The following KRABD2 variants were observed in gnomAD, a reference collection of about 807,000 sequenced individuals.
KRABD2 encodes KRAB domain-containing protein 2.
chr17:8,373,483 T>G, the KRABD2 span: 9 of 191,060 alleles, frequency 4.7e-5, no homozygotes, highest in Non-Finnish European at 7.5e-5. Context: ...GTGCTCAATG[T>G]TGCCCAGGCT....
At chr17:8,370,301 CTCCATT>C in the KRABD2 span, 1 of 1,611,574 alleles carries the variant, frequency 6.2e-7, no homozygotes, top group South Asian at 1.1e-5. Context: ...TGTTACTTAT[CTCCATT>C]TCCATTTCAC....
At chr17:8,372,910 A>C in the KRABD2 span, among the ~76,000 whole-genome samples, 1 of 152,238 alleles carries the variant, frequency 6.6e-6, no homozygotes, top group Non-Finnish European at 1.5e-5. The surrounding 1 kb of genome is among the most constrained non-coding windows in gnomAD (Gnocchi z 4.1). Context: ...AAAATAAAAA[A>C]AAGAAAAAAA....
chr17:8,370,016 A>T, the KRABD2 span: 1 of 1,614,184 alleles, frequency 6.2e-7, no homozygotes, highest in Non-Finnish European at 8.5e-7. Context: ...TGAGATGTGT[A>T]TCATGAAGAA....
chr17:8,365,060 T>C, the KRABD2 span, among the ~76,000 whole-genome samples: 1 of 151,904 alleles, frequency 6.6e-6, no homozygotes, highest in African/African-American at 2.4e-5. Flanking sequence ...AAAAACATTA[T>C]GTGGACAAAA....
the KRABD2 span, chr17:8,365,700 T>C: frequency 1.3e-5 from 2 of 152,224 alleles, no homozygotes; most frequent in African/African-American, 4.8e-5. Flanking sequence ...ATCTCGCTGG[T>C]CTCTCAGGAC....
the KRABD2 span, chr17:8,369,088 T>C: frequency 6.4e-7 from 1 of 1,556,230 alleles, no homozygotes; most frequent in South Asian, 1.2e-5. Flanking sequence ...CTCAGATGAC[T>C]ATGCTCAGAG....
At chr17:8,367,662 CA>C in the KRABD2 span, among the ~76,000 whole-genome samples, 29,258 of 94,054 alleles carry the variant, frequency 0.31, 2,768 homozygotes, top group Non-Finnish European at 0.33. Context: ...GACCCTGTCT[CA>C]AAAAAAAAAA....
At chr17:8,368,141 C>T in the KRABD2 span, among the ~76,000 whole-genome samples, 1 of 151,794 alleles carries the variant, frequency 6.6e-6, no homozygotes, top group Non-Finnish European at 1.5e-5. Flanking sequence ...TCCCTAGTAC[C>T]TGTGAATGTC....
At chr17:8,369,191 A>T in the KRABD2 span, 1 of 1,614,138 alleles carries the variant, frequency 6.2e-7, no homozygotes, top group South Asian at 1.1e-5. Flanking sequence ...AAGCTTCAGG[A>T]GTGGGATCCA....
the KRABD2 span, among the ~76,000 whole-genome samples, chr17:8,362,309 G>T: frequency 6.6e-6 from 1 of 151,148 alleles, no homozygotes; most frequent in African/African-American, 2.4e-5. The surrounding 1 kb of genome is among the most constrained non-coding windows in gnomAD (Gnocchi z 4.2). Flanking sequence ...CAGCCTGGGC[G>T]ACAGAGGAAG....
At chr17:8,376,692 G>A in the KRABD2 span, 28 of 983,322 alleles carry the variant, frequency 2.8e-5, no homozygotes, top group Non-Finnish European at 3.3e-5. Context: ...AGAGGCCCCC[G>A]AGCAGCAACT....
chr17:8,366,827 T>A, the KRABD2 span, among the ~76,000 whole-genome samples: 1 of 152,196 alleles, frequency 6.6e-6, no homozygotes, highest in South Asian at 2.1e-4. Context: ...GTTCAAGGGA[T>A]CTTCCTACCT....
At chr17:8,370,268 A>T in the KRABD2 span, 1 of 1,613,108 alleles carries the variant, frequency 6.2e-7, no homozygotes, top group African/African-American at 1.3e-5. Flanking sequence ...ACTTTGTTAC[A>T]CTCATAAGAA....
At chr17:8,364,124 C>T in the KRABD2 span, among the ~76,000 whole-genome samples, 1 of 151,850 alleles carries the variant, frequency 6.6e-6, no homozygotes, top group Non-Finnish European at 1.5e-5. This position sits in a 1 kb window ranked among gnomAD's most constrained non-coding sequence, Gnocchi z 4.4. Flanking sequence ...CCACCTTGGC[C>T]TTCCAAAGTG....
chr17:8,369,452 G>T, the KRABD2 span: 1 of 1,614,058 alleles, frequency 6.2e-7, no homozygotes, highest in Non-Finnish European at 8.5e-7. Context: ...TGAATCGGAG[G>T]CCTTTGGCCC....
At chr17:8,361,972 C>T in the KRABD2 span, among the ~76,000 whole-genome samples, 1 of 152,126 alleles carries the variant, frequency 6.6e-6, no homozygotes, top group Non-Finnish European at 1.5e-5. Flanking sequence ...CTTAATACAC[C>T]TATTTAAACT....
the KRABD2 span, chr17:8,371,514 G>A: frequency 6.2e-7 from 1 of 1,603,610 alleles, no homozygotes; most frequent in Non-Finnish European, 8.5e-7. Context: ...AGACAAGAGA[G>A]GGCACCAGGA....
chr17:8,365,165 C>T, the KRABD2 span, among the ~76,000 whole-genome samples: 1 of 152,104 alleles, frequency 6.6e-6, no homozygotes, highest in Admixed American at 6.6e-5. Context: ...TCCAGGAATC[C>T]ACCTCTAACT....
the KRABD2 span, chr17:8,367,100 A>G: frequency 6.6e-6 from 1 of 152,188 alleles, no homozygotes; most frequent in Non-Finnish European, 1.5e-5. Context: ...TATTAGATAT[A>G]TCTAGGGCAG....
Sources: gnomAD v4.1 joint callset for allele counts (sites outside exome capture counted in the v4.1 genomes callset) on GRCh38, gnomAD v4.1.1 for gene constraint, Gnocchi (gnomAD v3.1) non-coding constraint, MANE v1.5 for transcripts, NCBI Gene and HGNC (gene_info 2026-07-23, HGNC 2026-07-21) for gene names.